RALGPS2: variants seen among roughly 807,000 people sequenced by gnomAD.
The protein encoded by RALGPS2 is ras-specific guanine nucleotide-releasing factor RalGPS2.
Under a neutral mutation model 86.8 loss-of-function variants are expected in RALGPS2, and 43 were observed. That is an observed-to-expected ratio of 0.50 (90% CI 0.39 to 0.64). The LOEUF is 0.64. Among genes scored for constraint, RALGPS2 ranks in the 30% least tolerant of loss-of-function variants. The pLI, the probability that RALGPS2 is intolerant of heterozygous loss-of-function variation, is 0.00. For missense variants in RALGPS2, 536 were observed against 694.6 expected (o/e 0.77, Z 2.57); for synonymous variants, 243 against 231.3 (o/e 1.05, Z -0.46).
In RALGPS2 at chr1:178,858,013, A is replaced by G. The variant is rs1459951422; in HGVS notation, c.608-19485A>G. Among the ~76,000 whole-genome samples, 7 of 152,218 alleles carry G rather than the reference A, an allele frequency of 4.6e-5. No individual in the cohort carries two copies. The South Asian group carries it at 1.5e-3, about 32-fold the overall frequency. On this transcript the variant is annotated intron_variant, in intron 8 of 19. Transcript: ENST00000367635. ...AGATTATCTTCAGCTTTAATTTTCA[A>G]CCCATGTTTTGCAGTGGGCTTTGTG... is the stretch of plus-strand genomic sequence containing the variant.
chr1:178,886,105 A>G lies in RALGPS2; in HGVS notation c.1177A>G (p.Ser393Gly), dbSNP rs1452681128. Residue 393 changes from serine to glycine, a missense_variant, in exon 13 of 20, where the codon AGT becomes GGT. Transcript: ENST00000367635. ...CCAAGCTGAAAGTTCTACTCTTTCT[A>G]GTGGAATATCAATAGGTGAGAAATA... ...RGQAESSTLS[S>G]GISIGSSDGS... 1 of 1,611,938 alleles carries G rather than the reference A, an allele frequency of 6.2e-7. No individual in the cohort carries two copies.
At chr1:178,777,976 G>C (rs1370411093) in intron 2 of RALGPS2, among the ~76,000 whole-genome samples, 1 of 143,688 alleles carries the variant, frequency 7.0e-6, no homozygotes, top group African/African-American at 2.7e-5. Flanking sequence ...TCAGGACATA[G>C]GCATGGGCAA....
intron 7 of RALGPS2, among the ~76,000 whole-genome samples, chr1:178,824,785 T>G (rs1158160179): frequency 1.3e-5 from 2 of 151,354 alleles, no homozygotes; most frequent in Non-Finnish European, 2.9e-5. Context: ...CTCCAGCCTG[T>G]GCGACAGAGC....
intron 15 of RALGPS2, among the ~76,000 whole-genome samples, chr1:178,893,092 C>T (rs759041471): frequency 6.6e-6 from 1 of 152,044 alleles, no homozygotes; most frequent in Non-Finnish European, 1.5e-5. Context: ...TTTCATTGCT[C>T]TTATAGGAAT....
intron 4 of RALGPS2, among the ~76,000 whole-genome samples, chr1:178,799,718 A>T (rs1654380225): frequency 1.3e-5 from 2 of 152,120 alleles, no homozygotes; most frequent in Admixed American, 1.3e-4. Context: ...GGCCACCCAG[A>T]GCCCCGTGTG....
At chr1:178,840,870 A>C (rs1327856273) in intron 8 of RALGPS2, among the ~76,000 whole-genome samples, 2 of 152,210 alleles carry the variant, frequency 1.3e-5, no homozygotes, top group East Asian at 1.9e-4. Context: ...TACTGTAAAC[A>C]CCTCTCTGCA....
At chr1:178,849,109 C>T (rs768821310) in intron 8 of RALGPS2, among the ~76,000 whole-genome samples, 4 of 152,112 alleles carry the variant, frequency 2.6e-5, no homozygotes, top group Non-Finnish European at 4.4e-5. Flanking sequence ...TTGATCGTCA[C>T]AAAAACCACG....
At chr1:178,772,766 A>G (rs1383350121) in intron 1 of RALGPS2, among the ~76,000 whole-genome samples, 1 of 152,206 alleles carries the variant, frequency 6.6e-6, no homozygotes, top group African/African-American at 2.4e-5. Context: ...GACTGAAGGC[A>G]AAACAATTTT....
chr1:178,750,364 T>C (rs1243910420), intron 1 of RALGPS2, among the ~76,000 whole-genome samples: 1 of 152,266 alleles, frequency 6.6e-6, no homozygotes, highest in African/African-American at 2.4e-5. Flanking sequence ...GGATTTAGCT[T>C]GTGGGCCAGT....
chr1:178,878,100 C>T (rs1366028825), intron 9 of RALGPS2, among the ~76,000 whole-genome samples: 3 of 152,044 alleles, frequency 2.0e-5, no homozygotes, highest in Non-Finnish European at 2.9e-5. Flanking sequence ...CCTTGAGCCT[C>T]GTGACAATTG....
chr1:178,810,378 C>T (rs1389077189), intron 5 of RALGPS2, among the ~76,000 whole-genome samples: 2 of 152,160 alleles, frequency 1.3e-5, no homozygotes, highest in African/African-American at 4.8e-5. Context: ...CAGAACAAGA[C>T]TCTGTCTCCA....
At chr1:178,792,178 T>C (rs1016876217) in intron 4 of RALGPS2, among the ~76,000 whole-genome samples, 17 of 152,204 alleles carry the variant, frequency 1.1e-4, no homozygotes, top group African/African-American at 3.9e-4. Context: ...CAGGCAAATA[T>C]GTTTACCAAA....
chr1:178,798,705 C>T (rs555837901), intron 4 of RALGPS2, among the ~76,000 whole-genome samples: 6 of 152,084 alleles, frequency 3.9e-5, no homozygotes, highest in Admixed American at 6.5e-5. Flanking sequence ...AAACCCCACA[C>T]GTTTTGTGAA....
chr1:178,750,794 A>C (rs2102043237), intron 1 of RALGPS2, among the ~76,000 whole-genome samples: 1 of 152,280 alleles, frequency 6.6e-6, no homozygotes, highest in East Asian at 1.9e-4. Flanking sequence ...TTCTAAAATA[A>C]AAGTATTGTG....
chr1:178,775,282 G>A (rs1653024108), intron 1 of RALGPS2, among the ~76,000 whole-genome samples: 1 of 152,088 alleles, frequency 6.6e-6, no homozygotes, highest in South Asian at 2.1e-4. Context: ...GAGGTAATGT[G>A]GTTCCAAAAT....
chr1:178,832,691 T>TA (rs576360396), intron 7 of RALGPS2, among the ~76,000 whole-genome samples: 22 of 144,920 alleles, frequency 1.5e-4, no homozygotes, highest in African/African-American at 2.0e-4. Flanking sequence ...CATGTCTAAA[T>TA]AAAAAAAAAA....
intron 8 of RALGPS2, among the ~76,000 whole-genome samples, chr1:178,848,060 G>A (rs1656953762): frequency 6.6e-6 from 1 of 152,152 alleles, no homozygotes; most frequent in Admixed American, 6.6e-5. Context: ...TGTAATCCCA[G>A]TGCTTAGGGA....
intron 7 of RALGPS2, among the ~76,000 whole-genome samples, chr1:178,828,550 G>GT (rs1300698552): frequency 6.6e-5 from 10 of 152,192 alleles, no homozygotes; most frequent in Non-Finnish European, 1.3e-4. Context: ...GCACATGACT[G>GT]TATAAGGAAC....
intron 10 of RALGPS2, among the ~76,000 whole-genome samples, chr1:178,882,680 A>G (rs989201865): frequency 6.6e-6 from 1 of 152,192 alleles, no homozygotes; most frequent in Non-Finnish European, 1.5e-5. Context: ...TTCTACAACT[A>G]CTTTAGTGTC....
Sources: allele counts gnomAD v4.1 joint callset (sites outside exome capture counted in the v4.1 genomes callset), GRCh38; gene constraint gnomAD v4.1.1; transcripts MANE v1.5; gene names NCBI Gene and HGNC (gene_info 2026-07-23, HGNC 2026-07-21).